The following CYP46A1 variants were observed in gnomAD, a reference collection of about 807,000 sequenced individuals.
CYP46A1 encodes cytochrome P450 family 46 subfamily A member 1.
A neutral mutation model predicts 63.3 loss-of-function variants in CYP46A1; 20 were observed. The observed-to-expected ratio is 0.32, with a 90% CI of 0.22 to 0.46. The LOEUF (loss-of-function observed/expected upper bound fraction) is 0.46, where lower values mean the gene tolerates loss of function less well. CYP46A1 is among the 20% of genes least tolerant of loss of function. The pLI is 1.00. For missense variants in CYP46A1, 445 were observed against 670.8 expected, an observed-to-expected ratio of 0.66 and a Z score of 3.72; for synonymous variants, 268 against 273.6, an observed-to-expected ratio of 0.98 and a Z score of 0.20.
At chr14:99,720,051 C>T (rs1410500399) in intron 10 of CYP46A1, among the ~76,000 whole-genome samples, 1 of 151,454 alleles carries the variant, frequency 6.6e-6, no homozygotes, top group Non-Finnish European at 1.5e-5. Flanking sequence ...CATGAGCCAC[C>T]GTGCCCGGCA....
Position 99,700,004 on chromosome 14 carries a change from G to A in CYP46A1, c.357-11G>A. 6.5e-7 allele frequency: 1 copy of A among 1,543,526 alleles called. No homozygotes were observed. The highest frequency in any genetic ancestry group is 8.7e-7 in the Non-Finnish European group (1 of 1,146,054). On this transcript the variant is annotated splice_polypyrimidine_tract_variant and intron_variant, in intron 4 of 14. Transcript: ENST00000261835. ...ACCCTCTTTCCCGCATCACGTGTGT[G>A]TCTCCTACAGACTCTTCGGCCAAGG...
Position 99,706,792 on chromosome 14 carries a change from G to C in CYP46A1, c.582+7G>C. 6.2e-7 allele frequency: 1 copy of C among 1,611,698 alleles called. No individual in the cohort carries two copies. On this transcript the variant is annotated splice_region_variant and intron_variant, in intron 6 of 14. Coordinates refer to ENST00000261835, the MANE Select transcript of CYP46A1 (RefSeq NM_006668.2). ...CATGGACATCCTGGCCAAGGTGATG[G>C]GTGACAGTCGGGCATGGGGGCCAGG... is the stretch of plus-strand genomic sequence containing the variant.
At chr14:99,716,063 A>G (rs771491555) in intron 8 of CYP46A1, 74 bp from the exon 9 acceptor site, 11 of 1,607,920 alleles carry the variant, frequency 6.8e-6, no homozygotes, top group Non-Finnish European at 9.4e-6. Context: ...GGAGAAACAC[A>G]GTTAGTTATT....
chr14:99,687,767 C>T (rs978408513), intron 1 of CYP46A1, among the ~76,000 whole-genome samples: 5 of 152,036 alleles, frequency 3.3e-5, no homozygotes, highest in African/African-American at 1.2e-4. Flanking sequence ...GGGTGGTGGG[C>T]GGTGGGGGAT....
In CYP46A1 at chr14:99,726,192, C is replaced by T. The variant is rs776584862; in HGVS notation, c.1268C>T (p.Pro423Leu). The change falls in exon 14 of 15, where the codon CCA becomes CTA. Residue 423 changes from proline (P) to leucine (L), a missense_variant and splice_region_variant. Physicochemically the swap from Pro to Leu is moderately conservative, Grantham distance 98. Around this residue, in one of 4 missense-constraint regions of CYP46A1, gnomAD observed 95 missense variants for 156.9 expected, o/e 0.61. Transcript: ENST00000261835. ...PDRFGPGAPK[P>L]RFTYFPFSLG... ...GTGATTCCTCTCTTTCCCTGCAGGC[C>T]ACGGTTCACCTACTTCCCCTTCTCC... is the stretch of plus-strand genomic sequence containing the variant. 1.2e-6 allele frequency: 2 copies of T among 1,613,878 alleles called. No homozygotes were observed. The highest frequency in any genetic ancestry group is 1.7e-6 in the Non-Finnish European group (2 of 1,179,936).
At chr14:99,688,702 C>T (rs2056517371) in intron 1 of CYP46A1, among the ~76,000 whole-genome samples, 1 of 152,214 alleles carries the variant, frequency 6.6e-6, no homozygotes, top group African/African-American at 2.4e-5. Flanking sequence ...CTGCCGCCCC[C>T]TATGGTAACC....
intron 1 of CYP46A1, among the ~76,000 whole-genome samples, chr14:99,686,925 C>T (rs1026172913): frequency 2.4e-4 from 36 of 152,290 alleles, no homozygotes; most frequent in African/African-American, 7.9e-4. Context: ...AGCAGAAACC[C>T]GATGCCTTGA....
At chr14:99,715,749 G>A in intron 7 of CYP46A1, 61 bp from the exon 8 acceptor site, 2 of 1,607,416 alleles carry the variant, frequency 1.2e-6, no homozygotes, top group South Asian at 2.2e-5. Flanking sequence ...GGGTGGTGGG[G>A]GAGAGGGGAG....
chr14:99,690,612 G>T (rs1359549793), intron 1 of CYP46A1, among the ~76,000 whole-genome samples: 1 of 152,170 alleles, frequency 6.6e-6, no homozygotes, highest in Non-Finnish European at 1.5e-5. Context: ...TGCTGAGATG[G>T]GCTTTGGGGA....
In CYP46A1 at chr14:99,725,615, TCA is replaced by T; in HGVS notation, c.1265+139_1265+140del. Reference sequence around the variant, plus strand: ...CCCTGTGAGGTGGTTGTGGAGGAAATCACAGCTCAGAGAGGTTAAGTAACTTG... The same window carrying T: ...CCCTGTGAGGTGGTTGTGGAGGAAATCAGCTCAGAGAGGTTAAGTAACTTG... On this transcript the variant is annotated intron_variant, in intron 13 of 14. Transcript: ENST00000261835. The surrounding 1 kb of genome is among the most constrained non-coding windows in gnomAD (Gnocchi z 4.2). 1.5e-6 allele frequency: 1 copy of T among 668,200 alleles called. No individual in the cohort carries two copies. Among genetic ancestry groups the T allele is most frequent in the East Asian group, 2.7e-5 (1 of 37,286 alleles). 41.4% of individuals were successfully genotyped at this position (668,200 alleles called of 1,614,324 possible).
chr14:99,699,324 A>G lies in CYP46A1; in HGVS notation c.283-142A>G, dbSNP rs1004860925. ...CTGATGTTACTTGAAGATAGGGACG[A>G]TTGTGTGGGATCATGCATGGGAAGT... On this transcript the variant is annotated intron_variant, in intron 3 of 14. Coordinates refer to ENST00000261835, the MANE Select transcript of CYP46A1 (RefSeq NM_006668.2). 5.1e-6 allele frequency: 4 copies of G among 783,520 alleles called. No homozygotes were observed. In the South Asian group the frequency reaches 6.0e-5, roughly 12 times the overall value. 48.5% of individuals were successfully genotyped at this position (783,520 alleles called of 1,614,324 possible).
chr14:99,684,388 C>T lies in CYP46A1; in HGVS notation c.-30C>T. 1 of 1,368,114 alleles carries T rather than the reference C, an allele frequency of 7.3e-7. No individual in the cohort carries two copies. The highest frequency in any genetic ancestry group is 9.5e-7 in the Non-Finnish European group (1 of 1,056,150). The allele number at this position is 1,368,114 out of a possible 1,614,324, so 84.7% of individuals were successfully genotyped here. A position where few individuals can be genotyped will look rare whatever the true frequency, so the allele number is the denominator to read the frequency against. On this transcript the variant is annotated 5_prime_UTR_variant, in exon 1 of 15. Transcript: ENST00000261835. ...CCGGCCCCCTCGGCGCCCGGCCCGA[C>T]CCTGGCCTGGCCTGCCCTGCCCCGG... is the stretch of plus-strand genomic sequence containing the variant.
intron 3 of CYP46A1, among the ~76,000 whole-genome samples, chr14:99,695,832 T>C (rs1018334059): frequency 3.3e-5 from 5 of 152,104 alleles, no homozygotes; most frequent in Non-Finnish European, 7.4e-5. Context: ...AGTTTCACCA[T>C]GTTGGCCAGT....
chr14:99,692,584 C>T lies in CYP46A1; in HGVS notation c.282+723C>T, dbSNP rs1042965116. Among the ~76,000 whole-genome samples, 9 of 151,334 alleles carry T rather than the reference C, an allele frequency of 5.9e-5. 1 individual carries two copies. In the South Asian group the frequency reaches 1.5e-3, roughly 25 times the overall value. ...GTGGCTCATGCCTGTAATCCCATCA[C>T]TTTGGGAGGCTGAGGCTGGTGGATC... On this transcript the variant is annotated intron_variant, in intron 3 of 14. Coordinates refer to ENST00000261835, the MANE Select transcript of CYP46A1 (RefSeq NM_006668.2).
In CYP46A1 at chr14:99,684,554, C is replaced by A; in HGVS notation, c.119+18C>A. On this transcript the variant is annotated intron_variant, in intron 1 of 14. Transcript: ENST00000261835. ...CGGCCCAGGTGAGCGGGGCTGGGGG[C>A]GGGGCCTGGCTGGGGTGCTGGGACT... is the stretch of plus-strand genomic sequence containing the variant. 1 of 1,438,096 alleles carries A rather than the reference C, an allele frequency of 7.0e-7. No homozygotes were observed. Among genetic ancestry groups the A allele is most frequent in the South Asian group, 1.4e-5 (1 of 72,576 alleles). The allele number at this position is 1,438,096 out of a possible 1,614,324, so 89.1% of individuals were successfully genotyped here.
chr14:99,716,838 A>T (rs1395283034), intron 9 of CYP46A1, among the ~76,000 whole-genome samples: 1 of 152,238 alleles, frequency 6.6e-6, no homozygotes, highest in Non-Finnish European at 1.5e-5. Context: ...ATGAACATTG[A>T]ATGAAATACA....
intron 1 of CYP46A1, among the ~76,000 whole-genome samples, chr14:99,689,674 G>A (rs769227945): frequency 3.3e-5 from 5 of 152,158 alleles, no homozygotes; most frequent in African/African-American, 9.7e-5. Flanking sequence ...ATAGCCAAAC[G>A]GCACGTTCCA....
rs1471639223 is a variant in CYP46A1, at chr14:99,726,803, C to G, written c.*76C>G. The G allele has an allele frequency of 2.4e-6, 3 of 1,253,342 alleles. No individual in the cohort carries two copies. Among genetic ancestry groups the G allele is most frequent in the Non-Finnish European group, 3.2e-6 (3 of 935,420 alleles). 77.6% of individuals were successfully genotyped at this position (1,253,342 alleles called of 1,614,324 possible). On this transcript the variant is annotated 3_prime_UTR_variant, in exon 15 of 15. Coordinates refer to ENST00000261835, the MANE Select transcript of CYP46A1 (RefSeq NM_006668.2). The stretch of plus-strand genomic sequence containing the variant: ...ACCTCTGCTGCCCACGGCCACCCAC[C>G]CTTCTCCCCTGCCCCGTCCCCTGGG...
intron 13 of CYP46A1, 81 bp from the exon 14 acceptor site, chr14:99,726,109 G>A: frequency 1.6e-6 from 2 of 1,289,676 alleles, no homozygotes; most frequent in Non-Finnish European, 2.3e-6. Flanking sequence ...TCCAGACCTG[G>A]GTTAACTACT....
Sources: allele counts gnomAD v4.1 joint callset (sites outside exome capture counted in the v4.1 genomes callset), GRCh38; gene constraint gnomAD v4.1.1; regional missense constraint gnomAD v4.1.1; non-coding constraint Gnocchi (gnomAD v3.1); transcripts MANE v1.5; gene names NCBI Gene and HGNC (gene_info 2026-07-23, HGNC 2026-07-21).